The following FAM240A variants were observed in gnomAD, a reference collection of about 807,000 sequenced individuals.
FAM240A encodes the protein family with sequence similarity 240 member A, also known as protein FAM240A.
A neutral mutation model predicts 7.3 loss-of-function variants in FAM240A; 8 were observed. The observed-to-expected ratio is 1.09, with a 90% CI of 0.64 to 1.97. FAM240A has a LOEUF of 1.97. Among genes scored for constraint, FAM240A ranks in the 30% most tolerant of loss-of-function variants. FAM240A has a pLI of 0.00. For synonymous variants in FAM240A, 32 were observed against 35.9 expected (o/e 0.89, Z 0.38); for missense variants, 90 against 102.2 (o/e 0.88, Z 0.52).
Position 46,617,186 on chromosome 3 carries a change from A to C in FAM240A, c.19A>C (p.Met7Leu). MRLFSG[M>L]NNQYTRREVF... ...GTATGGCTATTTTCCTTTTTAGGGG[A>C]TGAACAATCAATACACCCGTCGGGA... Residue 7 changes from methionine (M) to leucine (L), a missense_variant, in exon 2 of 3, where the codon ATG becomes CTG. Met to Leu is a conservative substitution (Grantham distance 15). Coordinates refer to ENST00000640551, the MANE Select transcript of FAM240A (RefSeq NM_001195442.2). 6.6e-7 allele frequency: 1 copy of C among 1,520,882 alleles called. No individual in the cohort carries two copies. The highest frequency in any genetic ancestry group is 1.2e-5 in the South Asian group (1 of 80,574). 94.2% of individuals were successfully genotyped at this position (1,520,882 alleles called of 1,614,324 possible).
At chr3:46,619,906 G>A (rs1026974842) in intron 2 of FAM240A, among the ~76,000 whole-genome samples, 3 of 152,138 alleles carry the variant, frequency 2.0e-5, no homozygotes, top group South Asian at 2.1e-4. Flanking sequence ...TATATTGCTC[G>A]TGTATTCTCC....
intron 1 of FAM240A, among the ~76,000 whole-genome samples, chr3:46,616,812 TAAAC>T (rs763044881): frequency 6.6e-6 from 1 of 152,174 alleles, no homozygotes; most frequent in Non-Finnish European, 1.5e-5. Flanking sequence ...TGTGCTGTGA[TAAAC>T]AAACACATTC....
chr3:46,622,953 G>A (rs1040848880), intron 2 of FAM240A, among the ~76,000 whole-genome samples: 2 of 152,054 alleles, frequency 1.3e-5, no homozygotes, highest in Non-Finnish European at 2.9e-5. Context: ...GTCAATTTAG[G>A]GAGAAATGAC....
At chr3:46,615,647 G>A (rs949328044) in intron 1 of FAM240A, among the ~76,000 whole-genome samples, 5 of 152,162 alleles carry the variant, frequency 3.3e-5, no homozygotes, top group Admixed American at 3.3e-4. Context: ...TGCCAGGCCA[G>A]CTTCTCCAGG....
chr3:46,617,204 C>G lies in FAM240A; in HGVS notation c.37C>G (p.Arg13Gly). ...LFSGMNNQYT[R>G]REVFCRNTCH... ...TTAGGGGATGAACAATCAATACACC[C>G]GTCGGGAGGTCTTCTGCCGGAACAC... The change falls in exon 2 of 3, where the codon CGT (arginine) becomes GGT (glycine). Residue 13 changes from arginine to glycine, a missense_variant. Arg to Gly is a moderately radical substitution (Grantham distance 125). Coordinates refer to ENST00000640551, the MANE Select transcript of FAM240A (RefSeq NM_001195442.2). 1.3e-5 allele frequency: 20 copies of G among 1,532,538 alleles called. No homozygotes were observed. The highest frequency in any genetic ancestry group is 1.7e-5 in the Non-Finnish European group (20 of 1,145,578). The allele number at this position is 1,532,538 out of a possible 1,614,324, so 94.9% of individuals were successfully genotyped here. A position where few individuals can be genotyped will look rare whatever the true frequency, so the allele number is the denominator to read the frequency against.
chr3:46,617,052 G>A, intron 1 of FAM240A, 131 bp from the exon 2 acceptor site: 1 of 615,398 alleles, frequency 1.6e-6, no homozygotes, highest in Non-Finnish European at 2.7e-6. Flanking sequence ...AGTCAAATTG[G>A]AGTAAGGTGG....
chr3:46,617,128 T>C lies in FAM240A; in HGVS notation c.16-55T>C, dbSNP rs1335517703. 1.9e-5 allele frequency: 22 copies of C among 1,177,840 alleles called. No individual in the cohort carries two copies. The African/African-American group carries it at 2.3e-4, about 12-fold the overall frequency. 73.0% of individuals were successfully genotyped at this position (1,177,840 alleles called of 1,614,324 possible). On this transcript the variant is annotated intron_variant, in intron 1 of 2. Coordinates refer to ENST00000640551, the MANE Select transcript of FAM240A (RefSeq NM_001195442.2). ...TACATTTCCCTGATGATGAGTGATG[T>C]TGAGCATTTCTTCATATGTTTTTTG...
In FAM240A at chr3:46,612,663, T is replaced by A. The variant is rs767851799; in HGVS notation, c.-21T>A. On this transcript the variant is annotated 5_prime_UTR_variant, in exon 1 of 3. Transcript: ENST00000640551. ...GTGCGACACATTTGGTTCGACTGAA[T>A]CGATGTCTTCACATCCCTTCATGCG... 7 of 1,535,120 alleles carry A rather than the reference T, an allele frequency of 4.6e-6. No individual in the cohort carries two copies. The South Asian group carries it at 7.1e-5, about 16-fold the overall frequency.
chr3:46,623,273 T>C (rs1243425255), intron 2 of FAM240A, among the ~76,000 whole-genome samples: 2 of 152,158 alleles, frequency 1.3e-5, no homozygotes, highest in Admixed American at 1.3e-4. Flanking sequence ...ACAGGGAACA[T>C]ATTGAACCCT....
chr3:46,614,735 C>T (rs1341071210), intron 1 of FAM240A, among the ~76,000 whole-genome samples: 1 of 152,230 alleles, frequency 6.6e-6, no homozygotes, highest in Non-Finnish European at 1.5e-5. Context: ...TTAAGAACTT[C>T]TACTGTCATC....
intron 2 of FAM240A, 81 bp from the exon 3 acceptor site, chr3:46,625,047 G>A (rs2107150069): frequency 2.0e-6 from 2 of 1,000,474 alleles, no homozygotes; most frequent in Non-Finnish European, 3.0e-6. Flanking sequence ...TTCAGGGGCT[G>A]GGAGGACAGG....
chr3:46,613,941 C>A (rs565908410), intron 1 of FAM240A, among the ~76,000 whole-genome samples: 15 of 151,972 alleles, frequency 9.9e-5, no homozygotes, highest in African/African-American at 3.1e-4. Flanking sequence ...TTGTTTGAGA[C>A]AGGGTCTCGC....
chr3:46,617,229 C>G lies in FAM240A; in HGVS notation c.62C>G (p.Thr21Ser). Residue 21 changes from threonine to serine, a missense_variant, in exon 2 of 3, where the codon ACC becomes AGC. Thr to Ser is a moderately conservative substitution (Grantham distance 58, BLOSUM62 1). Transcript: ENST00000640551. ...CGTCGGGAGGTCTTCTGCCGGAACACCTGCCATGATCTCAAGCATTTCTGG... is the reference window on the plus strand; with the variant it reads ...CGTCGGGAGGTCTTCTGCCGGAACAGCTGCCATGATCTCAAGCATTTCTGG... ...YTRREVFCRN[T>S]CHDLKHFWER... 4 of 1,535,226 alleles carry G rather than the reference C, an allele frequency of 2.6e-6. No individual in the cohort carries two copies. Among genetic ancestry groups the G allele is most frequent in the Non-Finnish European group, 3.5e-6 (4 of 1,146,490 alleles).
chr3:46,621,041 A>G (rs919855390), intron 2 of FAM240A, among the ~76,000 whole-genome samples: 1 of 152,164 alleles, frequency 6.6e-6, no homozygotes, highest in African/African-American at 2.4e-5. Flanking sequence ...TTAGATTACT[A>G]GTTTCTCTAC....
chr3:46,615,421 C>T (rs1697616422), intron 1 of FAM240A, among the ~76,000 whole-genome samples: 1 of 152,194 alleles, frequency 6.6e-6, no homozygotes, highest in South Asian at 2.1e-4. Context: ...CACAGAGTTT[C>T]CTGTGAATCT....
At chr3:46,615,647 G>C (rs949328044) in intron 1 of FAM240A, among the ~76,000 whole-genome samples, 1 of 152,162 alleles carries the variant, frequency 6.6e-6, no homozygotes, top group African/African-American at 2.4e-5. Flanking sequence ...TGCCAGGCCA[G>C]CTTCTCCAGG....
Sources: allele counts gnomAD v4.1 joint callset (sites outside exome capture counted in the v4.1 genomes callset), GRCh38; gene constraint gnomAD v4.1.1; transcripts MANE v1.5; gene names NCBI Gene and HGNC (gene_info 2026-07-23, HGNC 2026-07-21).